The following ENTPD5 variants were observed in gnomAD, a reference collection of about 807,000 sequenced individuals.
ENTPD5 encodes the protein ectonucleoside triphosphate diphosphohydrolase 5 (inactive).
Under a neutral mutation model 60.2 loss-of-function variants are expected in ENTPD5, and 49 were observed. The observed-to-expected ratio is 0.81, with a 90% CI of 0.65 to 1.03. The LOEUF (loss-of-function observed/expected upper bound fraction) is 1.03. Among genes scored for constraint, ENTPD5 ranks in the 50% least tolerant of loss-of-function variants. ENTPD5 has a pLI of 0.00. For synonymous variants in ENTPD5, 187 were observed against 185.4 expected, an observed-to-expected ratio of 1.01 and a Z score of -0.07; for missense variants, 480 against 507.6, an observed-to-expected ratio of 0.95 and a Z score of 0.52.
At chr14:73,992,106 T>A (rs2058160882) in intron 3 of ENTPD5, among the ~76,000 whole-genome samples, 1 of 152,096 alleles carries the variant, frequency 6.6e-6, no homozygotes, top group South Asian at 2.1e-4. Context: ...GCCGTATCTA[T>A]CCTCTAAGGT....
intron 8 of ENTPD5, 52 bp from the exon 9 acceptor site, chr14:73,976,464 C>A (rs757670612): frequency 1.4e-6 from 2 of 1,411,934 alleles, no homozygotes; most frequent in Non-Finnish European, 1.0e-6. Flanking sequence ...GGCAGCCCAA[C>A]ACTTGTCTCT....
intron 3 of ENTPD5, among the ~76,000 whole-genome samples, chr14:74,006,113 A>G (rs1271814368): frequency 6.7e-6 from 1 of 149,152 alleles, no homozygotes; most frequent in Non-Finnish European, 1.5e-5. Flanking sequence ...CTCAGCCTCC[A>G]AAGTAGCTGG....
At position 73,973,973 on chromosome 14, in the gene ENTPD5, C is replaced by T; in HGVS notation, c.790G>A (p.Asp264Asn). The T allele has an allele frequency of 6.2e-7, 1 of 1,613,948 alleles. No homozygotes were observed. Among genetic ancestry groups the T allele is most frequent in the Non-Finnish European group, 8.5e-7 (1 of 1,179,872 alleles). Residue 264 changes from aspartate (D) to asparagine (N), a missense_variant, in exon 12 of 16, where the codon GAT (aspartate) becomes AAT (asparagine). Coordinates refer to ENST00000334696, the MANE Select transcript of ENTPD5 (RefSeq NM_001249.5). ...TLGALETEGT[D>N]GHTFRSACLP... The stretch of plus-strand genomic sequence containing the variant: ...CAGGCACTCCGGAAAGTGTGCCCAT[C>T]AGTCCCTGAAAGAATCCAGGGCACA...
chr14:73,969,790 G>A (rs141092391), intron 15 of ENTPD5, among the ~76,000 whole-genome samples: 61 of 152,252 alleles, frequency 4.0e-4, no homozygotes, highest in Non-Finnish European at 7.5e-4. Context: ...TCTGTTCTGT[G>A]ACCTGTGCGA....
rs2056878327 is a variant in ENTPD5 at position 73,964,184 on chromosome 14, A to C, written c.*2744T>G. On this transcript the variant is annotated 3_prime_UTR_variant, in exon 16 of 16. Coordinates refer to ENST00000334696, the MANE Select transcript of ENTPD5 (RefSeq NM_001249.5). ...ATGAAGAATTTTAAGGCACACCTCCATTGGCCCACAGAGAGTGTTCTTCAT... is the reference window on the plus strand; with the variant it reads ...ATGAAGAATTTTAAGGCACACCTCCCTTGGCCCACAGAGAGTGTTCTTCAT... 6.6e-6 allele frequency: 1 copy of C among 152,206 alleles called. No individual in the cohort carries two copies. The highest frequency in any genetic ancestry group is 2.4e-5 in the African/African-American group (1 of 41,420). 9.4% of individuals were successfully genotyped at this position (152,206 alleles called of 1,614,324 possible). A position where few individuals can be genotyped will look rare whatever the true frequency, so the allele number is the denominator to read the frequency against.
At chr14:73,977,137 TC>T (rs113593976) in intron 7 of ENTPD5, 78 bp from the exon 8 acceptor site, 18 of 1,388,248 alleles carry the variant, frequency 1.3e-5, no homozygotes, top group Non-Finnish European at 1.6e-5. Context: ...TTTTTTTTTT[TC>T]CTCTCTAAAT....
At chr14:73,991,864 T>C (rs2058148883) in intron 3 of ENTPD5, among the ~76,000 whole-genome samples, 1 of 151,138 alleles carries the variant, frequency 6.6e-6, no homozygotes, top group Non-Finnish European at 1.5e-5. Flanking sequence ...AAAATTTTTT[T>C]TTAAATAGCC....
intron 3 of ENTPD5, chr14:74,007,562 A>G (rs746869850): frequency 1.3e-5 from 2 of 152,030 alleles, no homozygotes; most frequent in African/African-American, 2.4e-5. Flanking sequence ...ATTTGGTGAA[A>G]AGGGACAAGA....
chr14:74,014,141 T>C (rs1332981329), intron 2 of ENTPD5, among the ~76,000 whole-genome samples: 1 of 152,198 alleles, frequency 6.6e-6, no homozygotes, highest in Non-Finnish European at 1.5e-5. Flanking sequence ...GGAACAGTAG[T>C]TAATGATTAT....
At chr14:73,978,590 A>G (rs185386951) in intron 6 of ENTPD5, among the ~76,000 whole-genome samples, 1 of 148,554 alleles carries the variant, frequency 6.7e-6, no homozygotes, top group East Asian at 1.9e-4. Context: ...AACAAGAGTG[A>G]GACTCTGTCT....
intron 3 of ENTPD5, among the ~76,000 whole-genome samples, chr14:73,993,623 A>G (rs774235944): frequency 6.6e-6 from 1 of 152,184 alleles, no homozygotes; most frequent in Non-Finnish European, 1.5e-5. Flanking sequence ...ATCAAACTAA[A>G]TAACTCGAAA....
intron 1 of ENTPD5, among the ~76,000 whole-genome samples, chr14:74,018,169 C>T (rs953391782): frequency 1.4e-5 from 2 of 147,332 alleles, no homozygotes; most frequent in African/African-American, 2.5e-5. Flanking sequence ...TGACAGAAGA[C>T]TCTCTCTCAG....
At chr14:73,957,099 T>A (rs1325829817), downstream of ENTPD5, among the ~76,000 whole-genome samples, 1 of 122,836 alleles carries the variant, frequency 8.1e-6, no homozygotes, top group South Asian at 2.7e-4. Flanking sequence ...ATTATTATTA[T>A]TATTTTTTTT....
At chr14:73,992,646 T>C (rs1459953799) in intron 3 of ENTPD5, among the ~76,000 whole-genome samples, 1 of 143,528 alleles carries the variant, frequency 7.0e-6, no homozygotes, top group Non-Finnish European at 1.5e-5. Flanking sequence ...ATTGTGCCAC[T>C]GAACTCCAGC....
chr14:73,972,238 G>A (rs1157840097), intron 13 of ENTPD5, among the ~76,000 whole-genome samples: 1 of 152,042 alleles, frequency 6.6e-6, no homozygotes, highest in Non-Finnish European at 1.5e-5. Context: ...GCCGGGTGTG[G>A]TGGCAGGCAC....
intron 3 of ENTPD5, among the ~76,000 whole-genome samples, chr14:73,998,288 C>T (rs147219966): frequency 6.6e-6 from 1 of 152,064 alleles, no homozygotes; most frequent in East Asian, 1.9e-4. Flanking sequence ...TAGCAGCTGA[C>T]CAACTGTTAC....
Position 73,988,017 on chromosome 14 carries a change from C to A in ENTPD5, c.86G>T (p.Trp29Leu), listed in dbSNP as rs762702809. The change falls in exon 4 of 16, where the codon TGG (tryptophan) becomes TTG (leucine). Residue 29 changes from tryptophan to leucine, a missense_variant. Physicochemically the swap from Trp to Leu is moderately conservative, Grantham distance 61 (BLOSUM62 -2). Transcript: ENST00000334696. ...GGAAGACAGGAAGATACCCTCAAAC[C>A]AAGTCTGCTGGTTCCTGTGGGAGAC... ...SAVSHRNQQT[W>L]FEGIFLSSMC... The A allele has an allele frequency of 6.2e-7, 1 of 1,614,146 alleles. No individual in the cohort carries two copies. The highest frequency in any genetic ancestry group is 8.5e-7 in the Non-Finnish European group (1 of 1,180,024).
chr14:74,010,580 C>T (rs2058818535), intron 3 of ENTPD5, among the ~76,000 whole-genome samples: 1 of 151,930 alleles, frequency 6.6e-6, no homozygotes, highest in Non-Finnish European at 1.5e-5. Flanking sequence ...AAAGTGTTTC[C>T]ATTGTGAATT....
At chr14:74,013,718 T>C (rs1393156950) in intron 2 of ENTPD5, among the ~76,000 whole-genome samples, 1 of 152,110 alleles carries the variant, frequency 6.6e-6, no homozygotes, top group African/African-American at 2.4e-5. Context: ...AACATCCAGG[T>C]CAGAGCTTTA....
Sources: gnomAD v4.1 joint callset for allele counts (sites outside exome capture counted in the v4.1 genomes callset) on GRCh38, gnomAD v4.1.1 for gene constraint, MANE v1.5 for transcripts, NCBI Gene and HGNC (gene_info 2026-07-23, HGNC 2026-07-21) for gene names.